Variants in CGREF1 observed in about 807,000 individuals in gnomAD.
The protein encoded by CGREF1 is cell growth regulator with EF-hand domain 1, also known as cell growth regulator with EF hand domain protein 1.
In CGREF1, 16 loss-of-function variants were observed where a neutral mutation model predicts 17.4. That is an observed-to-expected ratio of 0.92 (90% CI 0.62 to 1.40). The LOEUF (loss-of-function observed/expected upper bound fraction) is 1.40, where lower values mean the gene tolerates loss of function less well. Among genes scored for constraint, CGREF1 ranks in the 40% most tolerant of loss-of-function variants. The pLI, the probability that CGREF1 is intolerant of heterozygous loss-of-function variation, is 0.00. For synonymous variants in CGREF1, 142 were observed against 154.6 expected (o/e 0.92, Z 0.61); for missense variants, 296 against 376.4 (o/e 0.79, Z 1.77).
Position 27,102,510 on chromosome 2 carries a change from G to A in CGREF1, c.146+16C>T, listed in dbSNP as rs773889033. 1.3e-5 allele frequency: 21 copies of A among 1,613,702 alleles called. No homozygotes were observed. Among genetic ancestry groups the A allele is most frequent in the Admixed American group, 1.0e-4 (6 of 59,990 alleles). On this transcript the variant is annotated intron_variant, in intron 3 of 5. Coordinates refer to ENST00000402394, the MANE Select transcript of CGREF1 (RefSeq NM_006569.6). ...TGGTCTTCTCCCTGAAAGCACCCCC[G>A]GCCCACCCTACTCACCCGAGCTGCT...
chr2:27,116,923 C>CT (rs56355405), intron 1 of CGREF1, among the ~76,000 whole-genome samples: 13 of 53,046 alleles, frequency 2.5e-4, no homozygotes, highest in East Asian at 4.0e-4. Context: ...CTCTCTCTCT[C>CT]TTTTTTTGAG....
chr2:27,111,243 C>G lies in CGREF1; in HGVS notation c.-11-6866G>C, dbSNP rs1671368099. 2.0e-5 allele frequency among the ~76,000 whole-genome samples: 3 copies of G among 152,172 alleles called. No homozygotes were observed. In the South Asian group the frequency reaches 6.2e-4, roughly 31 times the overall value. On this transcript the variant is annotated intron_variant, in intron 1 of 5. Transcript: ENST00000402394. Reference sequence around the variant, plus strand: ...GCGTTTACAATCCCTGAGCTAGACACAAAGGTTCTCCACGTCCCCACTAGG... The same window carrying G: ...GCGTTTACAATCCCTGAGCTAGACAGAAAGGTTCTCCACGTCCCCACTAGG...
At chr2:27,109,364 CCT>C (rs1671259380) in intron 1 of CGREF1, among the ~76,000 whole-genome samples, 1 of 128,816 alleles carries the variant, frequency 7.8e-6, no homozygotes, top group Non-Finnish European at 1.7e-5. Flanking sequence ...AGAGCAAGAC[CCT>C]GTCTTAAAAA....
chr2:27,102,200 A>G lies in CGREF1; in HGVS notation c.239T>C (p.Leu80Pro). The change falls in exon 5 of 6, where the codon CTC becomes CCC. Residue 80 changes from leucine (L) to proline (P), a missense_variant. Transcript: ENST00000402394. The stretch of plus-strand genomic sequence containing the variant: ...CTGTCCACTCTGGTCATAGTCATGG[A>G]GGGCAAAGAGGTAGAGGAGAACTAA... Reference protein sequence around the residue: ...REQVLLYLFALHDYDQSGQLD... With the variant: ...REQVLLYLFAPHDYDQSGQLD... The G allele has an allele frequency of 1.2e-6, 2 of 1,612,004 alleles. No homozygotes were observed. Among genetic ancestry groups the G allele is most frequent in the Non-Finnish European group, 1.7e-6 (2 of 1,178,320 alleles).
intron 1 of CGREF1, 112 bp from the exon 2 acceptor site, chr2:27,104,489 CAA>C (rs1671040235): frequency 6.4e-7 from 1 of 1,552,460 alleles, no homozygotes; most frequent in African/African-American, 1.4e-5. Flanking sequence ...CCTGCAGCCC[CAA>C]AGACAGGACT....
At chr2:27,109,885 CAAAAAAAAAAAAA>C (rs55824603) in intron 1 of CGREF1, among the ~76,000 whole-genome samples, 1 of 65,822 alleles carries the variant, frequency 1.5e-5, no homozygotes. Flanking sequence ...GACTCCGTCT[CAAAAAAAAAAAAA>C]AAAAAAAAAA....
At chr2:27,106,233 G>A (rs529710359) in intron 1 of CGREF1, among the ~76,000 whole-genome samples, 1 of 152,370 alleles carries the variant, frequency 6.6e-6, no homozygotes, top group South Asian at 2.1e-4. Context: ...CAAAAGCACT[G>A]GGTTGGCAAG....
chr2:27,102,695 A>G (rs1670949881), intron 2 of CGREF1, 104 bp from the exon 3 acceptor site: 1 of 1,282,386 alleles, frequency 7.8e-7, no homozygotes. Flanking sequence ...CCCAGACCCA[A>G]AGGGAGTTGC....
chr2:27,103,159 G>A, intron 2 of CGREF1: 1 of 969,660 alleles, frequency 1.0e-6, no homozygotes, highest in African/African-American at 1.8e-5. Context: ...TTAACTGTTT[G>A]CCCAAGTCAA....
In CGREF1 at chr2:27,100,721, T is replaced by TA. The variant is rs959062056; in HGVS notation, c.*552dup. Reference sequence around the variant, plus strand: ...CTTGGCTACAGAATTATTGTGAGGATAAAATCATATATAAAATGCCCAGCA... The same window carrying TA: ...CTTGGCTACAGAATTATTGTGAGGATAAAAATCATATATAAAATGCCCAGCA... On this transcript the variant is annotated 3_prime_UTR_variant, in exon 6 of 6. Coordinates refer to ENST00000402394, the MANE Select transcript of CGREF1 (RefSeq NM_006569.6). 6.2e-6 allele frequency: 7 copies of TA among 1,130,150 alleles called. No individual in the cohort carries two copies. In the African/African-American group the frequency reaches 1.1e-4, roughly 18 times the overall value. The allele number at this position is 1,130,150 out of a possible 1,614,324, so 70.0% of individuals were successfully genotyped here. A position where few individuals can be genotyped will look rare whatever the true frequency, so the allele number is the denominator to read the frequency against.
At position 27,100,665 on chromosome 2, in the gene CGREF1, TTTC is replaced by T; in HGVS notation, c.*606_*608del. 9.4e-7 allele frequency: 1 copy of T among 1,068,450 alleles called. No homozygotes were observed. The highest frequency in any genetic ancestry group is 1.2e-6 in the Non-Finnish European group (1 of 825,798). The allele number at this position is 1,068,450 out of a possible 1,614,324, so 66.2% of individuals were successfully genotyped here. On this transcript the variant is annotated 3_prime_UTR_variant, in exon 6 of 6. Transcript: ENST00000402394. ...CAGCACTTAACGCAATCTGCCTCAA[TTTC>T]TTCATCTGTCAAATGGAACCAATTC... is the stretch of plus-strand genomic sequence containing the variant.
At chr2:27,107,656 C>T (rs1389954065) in intron 1 of CGREF1, among the ~76,000 whole-genome samples, 2 of 149,958 alleles carry the variant, frequency 1.3e-5, no homozygotes, top group Non-Finnish European at 3.0e-5. Context: ...AAAAAGAGGC[C>T]GGGTGTGGTG....
chr2:27,110,467 A>G (rs1214365370), intron 1 of CGREF1, among the ~76,000 whole-genome samples: 3 of 152,146 alleles, frequency 2.0e-5, no homozygotes, highest in African/African-American at 7.2e-5. Context: ...AAGAGACTAC[A>G]CTTAAAGAAA....
At position 27,101,750 on chromosome 2, in the gene CGREF1, G is replaced by A. The variant is rs754790317; in HGVS notation, c.481C>T (p.Gln161Ter). ...EPGEPLAPSPQEPQAVGRQSL... is the reference protein window; with the variant it reads ...EPGEPLAPSP The stretch of plus-strand genomic sequence containing the variant: ...TGCCTTCCAACAGCTTGTGGCTCCT[G>A]AGGAGATGGAGCAAGGGGCTCTCCG... Residue 161 changes from glutamine (Q) to a stop codon, truncating the protein, a stop_gained, in exon 6 of 6, where the codon CAG (glutamine) becomes TAG (stop). Coordinates refer to ENST00000402394, the MANE Select transcript of CGREF1 (RefSeq NM_006569.6). LOFTEE classifies it low-confidence loss of function (END_TRUNC). The A allele has an allele frequency of 5.0e-6, 8 of 1,614,230 alleles. No homozygotes were observed. The highest frequency in any genetic ancestry group is 4.5e-5 in the East Asian group (2 of 44,884).
In CGREF1 at chr2:27,102,399, T is replaced by C. The variant is rs747128536; in HGVS notation, c.178A>G (p.Arg60Gly). The change falls in exon 4 of 6, where the codon AGG becomes GGG. Residue 60 changes from arginine (R) to glycine (G), a missense_variant. Physicochemically the swap from Arg to Gly is moderately radical, Grantham distance 125 (BLOSUM62 -2). Around this residue, in one of 3 missense-constraint regions of CGREF1, gnomAD observed 247 missense variants for 267.2 expected, o/e 0.92. Transcript: ENST00000402394. ...AGATGCTCCAGTTGCACTTCTGTCC[T>C]TCCTAGTCCCTTTAGGTAGCTCTGC... Reference protein sequence around the residue: ...LLQSYLKGLGRTEVQLEHLSR... With the variant: ...LLQSYLKGLGGTEVQLEHLSR... 1.4e-5 allele frequency: 22 copies of C among 1,614,192 alleles called. No individual in the cohort carries two copies. The highest frequency in any genetic ancestry group is 1.8e-5 in the Non-Finnish European group (21 of 1,180,018).
intron 2 of CGREF1, chr2:27,103,157 T>G (rs1484011810): frequency 2.1e-6 from 2 of 975,184 alleles, no homozygotes; most frequent in African/African-American, 3.5e-5. Context: ...GGTTAACTGT[T>G]TGCCCAAGTC....
chr2:27,113,990 CTTTTTTT>C (rs60288087), intron 1 of CGREF1, among the ~76,000 whole-genome samples: 1 of 102,342 alleles, frequency 9.8e-6, no homozygotes, highest in Admixed American at 1.1e-4. Context: ...TAGCAGGTGC[CTTTTTTT>C]TTTTTTTTTT....
chr2:27,102,011 T>C (rs185948465), intron 5 of CGREF1, 86 bp downstream of exon 5: 1 of 1,558,248 alleles, frequency 6.4e-7, no homozygotes, highest in African/African-American at 1.4e-5. Flanking sequence ...TACAGAGGAC[T>C]CACCAAAAGA....
chr2:27,113,905 AG>A (rs1288457226), intron 1 of CGREF1, among the ~76,000 whole-genome samples: 1 of 151,714 alleles, frequency 6.6e-6, no homozygotes, highest in Non-Finnish European at 1.5e-5. Flanking sequence ...CCAGGCCGAC[AG>A]GAGGCACTGG....
Sources: gnomAD v4.1 joint callset for allele counts (sites outside exome capture counted in the v4.1 genomes callset) on GRCh38, gnomAD v4.1.1 for gene constraint, gnomAD v4.1.1 regional missense constraint, MANE v1.5 for transcripts, NCBI Gene and HGNC (gene_info 2026-07-23, HGNC 2026-07-21) for gene names.